The following DENND2A variants were observed in gnomAD, a reference collection of about 807,000 sequenced individuals.
DENND2A encodes DENN domain-containing protein 2A.
DENND2A carries 53 observed loss-of-function variants against 105.3 expected under a neutral mutation model. That is an observed-to-expected ratio of 0.50 (90% confidence interval 0.40 to 0.63). The LOEUF (loss-of-function observed/expected upper bound fraction) is 0.63, where lower values mean the gene tolerates loss of function less well. Ranked by LOEUF, DENND2A falls within the 30% of genes least tolerant of loss-of-function variation. The probability of loss-of-function intolerance (pLI) is 0.00; values close to 1 mark genes in which losing one functional copy is unlikely to be tolerated. For synonymous variants in DENND2A, 522 were observed against 508.4 expected (o/e 1.03, Z -0.36); for missense variants, 1,138 against 1,279.6 (o/e 0.89, Z 1.69).
intron 14 of DENND2A, among the ~76,000 whole-genome samples, chr7:140,539,615 T>C (rs1328842812): frequency 1.3e-5 from 2 of 152,206 alleles, no homozygotes; most frequent in Admixed American, 6.5e-5. Context: ...CCTGCTTCTT[T>C]GAGCAGAATG....
chr7:140,571,695 G>A (rs565505262), intron 6 of DENND2A, among the ~76,000 whole-genome samples: 1 of 152,188 alleles, frequency 6.6e-6, no homozygotes, highest in East Asian at 1.9e-4. Flanking sequence ...ATATACATAC[G>A]ATGGAATACC....
At chr7:140,555,865 G>A (rs914074764) in intron 11 of DENND2A, 152 bp from the exon 12 acceptor site, 12 of 553,586 alleles carry the variant, frequency 2.2e-5, no homozygotes, top group Non-Finnish European at 3.4e-5. Flanking sequence ...ATCCCATTGT[G>A]TTTATTATAA....
intron 19 of DENND2A, 103 bp from the exon 20 acceptor site, chr7:140,518,841 C>T (rs537032680): frequency 1.3e-5 from 13 of 1,037,672 alleles, no homozygotes; most frequent in Middle Eastern, 2.0e-4. Flanking sequence ...GGGGCCCCCA[C>T]GCCACCCCAG....
At chr7:140,561,714 C>G (rs1797625874) in intron 9 of DENND2A, among the ~76,000 whole-genome samples, 1 of 149,290 alleles carries the variant, frequency 6.7e-6, no homozygotes, top group Non-Finnish European at 1.5e-5. Flanking sequence ...AGGGTTTCAC[C>G]ATGTTGGCCA....
chr7:140,559,790 C>G lies in DENND2A; in HGVS notation c.1807G>C (p.Glu603Gln). The change falls in exon 10 of 20, where the codon GAA (glutamate) becomes CAA (glutamine). Residue 603 changes from glutamate to glutamine, a missense_variant. Coordinates refer to ENST00000496613, the MANE Select transcript of DENND2A (RefSeq NM_015689.5). This position sits in a 1 kb window ranked among gnomAD's most constrained non-coding sequence, Gnocchi z 4.1. ...KLERSFKFMR[E>Q]AEDQLKAIPQ... is the part of the protein sequence containing the mutation. ...ATGGCCTTCAGTTGGTCCTCAGCTT[C>G]TCTCATGAACTTGAAAGACCTTTCC... 6.2e-7 allele frequency: 1 copy of G among 1,614,098 alleles called. No individual in the cohort carries two copies. The highest frequency in any genetic ancestry group is 8.5e-7 in the Non-Finnish European group (1 of 1,179,960).
chr7:140,523,195 T>C lies in DENND2A; in HGVS notation c.2665+112A>G. Reference sequence around the variant, plus strand: ...AAACAGAATGAGGCCCTGGTTTCTCTCCTTATGTCTCCCTTGCCCATATTC... The same window carrying C: ...AAACAGAATGAGGCCCTGGTTTCTCCCCTTATGTCTCCCTTGCCCATATTC... On this transcript the variant is annotated intron_variant, in intron 17 of 19. Transcript: ENST00000496613. This position sits in a 1 kb window ranked among gnomAD's most constrained non-coding sequence, Gnocchi z 4.5. 1 of 930,332 alleles carries C rather than the reference T, an allele frequency of 1.1e-6. No individual in the cohort carries two copies. Among genetic ancestry groups the C allele is most frequent in the Admixed American group, 2.0e-5 (1 of 50,856 alleles). The allele number at this position is 930,332 out of a possible 1,614,324, so 57.6% of individuals were successfully genotyped here. A position where few individuals can be genotyped will look rare whatever the true frequency, so the allele number is the denominator to read the frequency against.
chr7:140,638,652 A>G (rs184732654), intron 1 of DENND2A, among the ~76,000 whole-genome samples: 4 of 152,078 alleles, frequency 2.6e-5, no homozygotes, highest in Admixed American at 2.6e-4. Context: ...GCACTCACAT[A>G]CTGCAACCCG....
intron 14 of DENND2A, among the ~76,000 whole-genome samples, chr7:140,535,908 C>A (rs551809738): frequency 6.6e-6 from 1 of 152,064 alleles, no homozygotes; most frequent in Non-Finnish European, 1.5e-5. Context: ...CATCTACAAA[C>A]GATGAACCCA....
intron 6 of DENND2A, among the ~76,000 whole-genome samples, chr7:140,570,512 C>T (rs910533789): frequency 5.3e-5 from 8 of 152,276 alleles, no homozygotes; most frequent in South Asian, 4.1e-4. Context: ...GGGTGAGAAC[C>T]GGGATTAGAA....
At chr7:140,522,806 C>T (rs1795910309) in intron 17 of DENND2A, among the ~76,000 whole-genome samples, 1 of 151,736 alleles carries the variant, frequency 6.6e-6, no homozygotes, top group African/African-American at 2.4e-5. Context: ...CGTGTTTTCA[C>T]CATATTGGCC....
intron 5 of DENND2A, among the ~76,000 whole-genome samples, chr7:140,575,427 A>C (rs1226470734): frequency 2.6e-5 from 4 of 152,186 alleles, no homozygotes; most frequent in Non-Finnish European, 5.9e-5. Context: ...GTGAGCTAAC[A>C]AAATTATGAT....
chr7:140,592,297 C>T (rs946388695), intron 3 of DENND2A, among the ~76,000 whole-genome samples: 1 of 151,148 alleles, frequency 6.6e-6, no homozygotes, highest in African/African-American at 2.4e-5. Context: ...AGCTCCACCT[C>T]CTCGGTTCAC....
At chr7:140,635,031 G>A (rs1472137377) in intron 1 of DENND2A, among the ~76,000 whole-genome samples, 1 of 152,094 alleles carries the variant, frequency 6.6e-6, no homozygotes, top group African/African-American at 2.4e-5. Context: ...GCAAGGCCGA[G>A]GCAGGTGGAT....
intron 12 of DENND2A, among the ~76,000 whole-genome samples, chr7:140,551,891 C>T (rs1309984058): frequency 6.6e-6 from 1 of 152,192 alleles, no homozygotes; most frequent in Admixed American, 6.6e-5. Flanking sequence ...TTCGGCAAGT[C>T]ATTACACTGC....
intron 14 of DENND2A, among the ~76,000 whole-genome samples, chr7:140,533,262 A>T (rs1242329476): frequency 6.6e-6 from 1 of 152,134 alleles, no homozygotes; most frequent in African/African-American, 2.4e-5. Flanking sequence ...AAGTGCTGGG[A>T]TTACAGGCGT....
chr7:140,631,644 T>C (rs538348373), intron 1 of DENND2A, among the ~76,000 whole-genome samples: 2 of 152,328 alleles, frequency 1.3e-5, no homozygotes, highest in East Asian at 3.9e-4. Context: ...GAAGGTTGTC[T>C]ATGTTTGTTG....
At chr7:140,567,043 GT>G (rs1797866964) in intron 9 of DENND2A, 42 bp downstream of exon 9, 2 of 1,517,448 alleles carry the variant, frequency 1.3e-6, no homozygotes, top group East Asian at 4.9e-5. Flanking sequence ...CAAGGTGATG[GT>G]TAGAACCCTG....
At chr7:140,534,767 C>T (rs1796400858) in intron 14 of DENND2A, among the ~76,000 whole-genome samples, 1 of 152,122 alleles carries the variant, frequency 6.6e-6, no homozygotes, top group South Asian at 2.1e-4. Context: ...GAAAGAGAGT[C>T]CTCACTCGCA....
chr7:140,571,437 C>T (rs1293721130), intron 6 of DENND2A, among the ~76,000 whole-genome samples: 1 of 152,188 alleles, frequency 6.6e-6, no homozygotes, highest in Admixed American at 6.5e-5. Context: ...GCTGGGATTA[C>T]AGGCATGAGC....
Sources: gnomAD v4.1 joint callset for allele counts (sites outside exome capture counted in the v4.1 genomes callset) on GRCh38, gnomAD v4.1.1 for gene constraint, Gnocchi (gnomAD v3.1) non-coding constraint, MANE v1.5 for transcripts, NCBI Gene and HGNC (gene_info 2026-07-23, HGNC 2026-07-21) for gene names.